DSC3: variants seen among roughly 807,000 people sequenced by gnomAD.
The protein encoded by DSC3 is desmocollin 3, also known as desmocollin-3.
DSC3 carries 97 observed loss-of-function variants against 89.5 expected under a neutral mutation model. That is an observed-to-expected ratio of 1.08 (90% CI 0.92 to 1.28). The LOEUF (loss-of-function observed/expected upper bound fraction) is 1.28, where lower values mean the gene tolerates loss of function less well. Ranked by LOEUF, DSC3 falls within the 50% of genes most tolerant of loss-of-function variation. DSC3 has a pLI of 0.00. For missense variants in DSC3, 1,199 were observed against 1,085.3 expected (o/e 1.10, Z -1.47); for synonymous variants, 436 against 384.1 (o/e 1.14, Z -1.58).
chr18:31,013,794 G>A (rs1985147397), intron 9 of DSC3, among the ~76,000 whole-genome samples: 1 of 151,926 alleles, frequency 6.6e-6, no homozygotes, highest in Non-Finnish European at 1.5e-5. Context: ...CATTTCTGAT[G>A]AGCATGTCAA....
At chr18:31,026,105 T>C (rs1458800024) in intron 4 of DSC3, among the ~76,000 whole-genome samples, 190 bp from the exon 5 acceptor site, 1 of 152,076 alleles carries the variant, frequency 6.6e-6, no homozygotes, top group Non-Finnish European at 1.5e-5. Flanking sequence ...GGAATCCCAA[T>C]TGGAATGTAC....
intron 12 of DSC3, among the ~76,000 whole-genome samples, chr18:31,006,624 C>T (rs1244801707): frequency 1.3e-5 from 2 of 151,744 alleles, no homozygotes; most frequent in Admixed American, 6.6e-5. Flanking sequence ...TAAAAACATG[C>T]ACACACACAC....
chr18:31,023,744 G>C (rs1985501227), intron 6 of DSC3, among the ~76,000 whole-genome samples: 1 of 152,096 alleles, frequency 6.6e-6, no homozygotes, highest in African/African-American at 2.4e-5. Flanking sequence ...GCCATCGTAA[G>C]TGCCACATTT....
At chr18:31,023,956 C>G (rs1406380564) in intron 6 of DSC3, among the ~76,000 whole-genome samples, 1 of 151,962 alleles carries the variant, frequency 6.6e-6, no homozygotes, top group Non-Finnish European at 1.5e-5. Context: ...CATTTAACAC[C>G]TTCCTAAATA....
chr18:31,040,182 T>A (rs1216245779), intron 1 of DSC3, among the ~76,000 whole-genome samples: 2 of 152,126 alleles, frequency 1.3e-5, no homozygotes, highest in Non-Finnish European at 2.9e-5. Context: ...TGCAAACGTT[T>A]CAACTATTTT....
chr18:31,029,198 G>C (rs1182912457), intron 4 of DSC3, among the ~76,000 whole-genome samples: 1 of 152,046 alleles, frequency 6.6e-6, no homozygotes, highest in Non-Finnish European at 1.5e-5. Context: ...ACCCACATGA[G>C]AGCAAGGGCC....
chr18:31,001,511 C>G, intron 14 of DSC3, 107 bp downstream of exon 14: 1 of 1,316,018 alleles, frequency 7.6e-7, no homozygotes, highest in Non-Finnish European at 1.1e-6. Context: ...CCTATGAAAT[C>G]TGATTCAATT....
chr18:31,018,697 T>C lies in DSC3; in HGVS notation c.1046A>G (p.Asn349Ser). 3 of 1,613,602 alleles carry C rather than the reference T, an allele frequency of 1.9e-6. No individual in the cohort carries two copies. Among genetic ancestry groups the C allele is most frequent in the East Asian group, 2.2e-5 (1 of 44,824 alleles). ...STCIITVTDS[N>S]DNAPTFRQNA... The stretch of plus-strand genomic sequence containing the variant: ...TTGTCTGAAAGTGGGTGCATTATCA[T>C]TTGAATCTGTTACTGTTATGATACA... The change falls in exon 8 of 16, where the codon AAT becomes AGT. Residue 349 changes from asparagine to serine, a missense_variant. By Grantham distance (46) the Asn-to-Ser change is conservative. Coordinates refer to ENST00000360428, the MANE Select transcript of DSC3 (RefSeq NM_001941.5).
chr18:31,026,367 T>A (rs1465306986), intron 4 of DSC3, among the ~76,000 whole-genome samples: 1 of 152,124 alleles, frequency 6.6e-6, no homozygotes, highest in South Asian at 2.1e-4. Context: ...CCTTGGAGTC[T>A]AATGGAAAAC....
intron 12 of DSC3, among the ~76,000 whole-genome samples, chr18:31,004,746 T>C (rs1402331943): frequency 2.0e-5 from 3 of 152,232 alleles, no homozygotes; most frequent in Non-Finnish European, 4.4e-5. Flanking sequence ...TCTTATCCAT[T>C]GACCTTCTAG....
At position 31,008,146 on chromosome 18, in the gene DSC3, C is replaced by A. The variant is rs1567952599; in HGVS notation, c.1533G>T (p.Leu511Phe). 6.2e-7 allele frequency: 1 copy of A among 1,610,900 alleles called. No homozygotes were observed. The highest frequency in any genetic ancestry group is 8.5e-7 in the Non-Finnish European group (1 of 1,178,312). The change falls in exon 11 of 16, where the codon TTG becomes TTT. Residue 511 changes from leucine to phenylalanine, a missense_variant. Coordinates refer to ENST00000360428, the MANE Select transcript of DSC3 (RefSeq NM_001941.5). ...RNGNGLRYKKLHDPKGWITID... is the reference protein window; with the variant it reads ...RNGNGLRYKKFHDPKGWITID... ...TGGTGATCCAACCTTTAGGATCATGCAATTTTTTGTACCTGTTAATAAAAA... is the reference window on the plus strand; with the variant it reads ...TGGTGATCCAACCTTTAGGATCATGAAATTTTTTGTACCTGTTAATAAAAA...
At chr18:31,012,148 C>A (rs1985092199) in intron 9 of DSC3, among the ~76,000 whole-genome samples, 1 of 151,790 alleles carries the variant, frequency 6.6e-6, no homozygotes, top group Non-Finnish European at 1.5e-5. Flanking sequence ...CACAACATGG[C>A]AAAAGCAAAT....
chr18:30,996,670 G>A lies in DSC3; in HGVS notation c.2493+121C>T. 4.4e-6 allele frequency: 5 copies of A among 1,127,688 alleles called. No individual in the cohort carries two copies. The South Asian group carries it at 9.4e-5, about 21-fold the overall frequency. The allele number at this position is 1,127,688 out of a possible 1,614,324, so 69.9% of individuals were successfully genotyped here. A position where few individuals can be genotyped will look rare whatever the true frequency, so the allele number is the denominator to read the frequency against. On this transcript the variant is annotated intron_variant, in intron 15 of 15. Transcript: ENST00000360428. The stretch of plus-strand genomic sequence containing the variant: ...ACAAAATCAAAGAGCACGGGAAAAT[G>A]AACAGAGCAAGCAAGAGAGAGCCCA...
intron 7 of DSC3, among the ~76,000 whole-genome samples, chr18:31,019,530 C>T (rs1051355665): frequency 6.6e-5 from 10 of 152,166 alleles, no homozygotes; most frequent in African/African-American, 2.4e-4. Context: ...CAGTGGCTCA[C>T]GCCTGTAATC....
At chr18:31,020,851 A>G (rs1469959377) in intron 7 of DSC3, among the ~76,000 whole-genome samples, 1 of 152,078 alleles carries the variant, frequency 6.6e-6, no homozygotes, top group Non-Finnish European at 1.5e-5. Context: ...CGGAGGTGGG[A>G]GGATTGTTTG....
At chr18:31,015,008 A>T (rs1257987300) in intron 9 of DSC3, among the ~76,000 whole-genome samples, 1 of 152,192 alleles carries the variant, frequency 6.6e-6, no homozygotes, top group African/African-American at 2.4e-5. Context: ...AACTATGTAC[A>T]ACTTATGTAA....
At position 31,031,027 on chromosome 18, in the gene DSC3, G is replaced by T. The variant is rs754314173; in HGVS notation, c.300C>A (p.Asp100Glu). Reference protein sequence around the residue: ...KKRSFTIWLSDKRKQTQKEVT... With the variant: ...KKRSFTIWLSEKRKQTQKEVT... ...CCTCTTTCTGTGTCTGTTTCCTTTT[G>T]TCAGAAAGCCATATGGTAAATGATC... Residue 100 changes from aspartate to glutamate, a missense_variant, in exon 3 of 16, where the codon GAC becomes GAA. Asp to Glu is a conservative substitution (Grantham distance 45). Coordinates refer to ENST00000360428, the MANE Select transcript of DSC3 (RefSeq NM_001941.5). The T allele has an allele frequency of 6.2e-7, 1 of 1,613,712 alleles. No homozygotes were observed. Among genetic ancestry groups the T allele is most frequent in the African/African-American group, 1.3e-5 (1 of 74,834 alleles).
In DSC3 at chr18:31,009,392, G is replaced by GAAA. The variant is rs1287926171; in HGVS notation, c.1264-868_1264-867insTTT. Among the ~76,000 whole-genome samples the GAAA allele has an allele frequency of 9.2e-5, 14 of 152,148 alleles. 1 individual carries two copies. The East Asian group carries it at 2.7e-3, about 29-fold the overall frequency. On this transcript the variant is annotated intron_variant, in intron 9 of 15. Transcript: ENST00000360428. ...TAATTGCCCTCTAAGGCATCTAACT[G>GAAA]AGCCATCTAATTGCTGCTTTTCTTT...
Position 30,997,028 on chromosome 18 carries a change from C to A in DSC3, c.2256G>T (p.Met752Ile). The change falls in exon 15 of 16, where the codon ATG becomes ATT. Residue 752 changes from methionine (M) to isoleucine (I), a missense_variant. Physicochemically the swap from Met to Ile is conservative, Grantham distance 10. Coordinates refer to ENST00000360428, the MANE Select transcript of DSC3 (RefSeq NM_001941.5). ...DDRVCSANGF[M>I]TQTTNNSSQG... ...GGCTAGAGTTGTTGGTAGTTTGGGTCATAAATCCATTGGCAGAGCACTGAA... is the reference window on the plus strand; with the variant it reads ...GGCTAGAGTTGTTGGTAGTTTGGGTAATAAATCCATTGGCAGAGCACTGAA... The A allele has an allele frequency of 6.2e-7, 1 of 1,614,070 alleles. No homozygotes were observed. The highest frequency in any genetic ancestry group is 8.5e-7 in the Non-Finnish European group (1 of 1,180,010).
Sources: allele counts gnomAD v4.1 joint callset (sites outside exome capture counted in the v4.1 genomes callset), GRCh38; gene constraint gnomAD v4.1.1; transcripts MANE v1.5; gene names NCBI Gene and HGNC (gene_info 2026-07-23, HGNC 2026-07-21).